The following LRRIQ3 variants were observed in gnomAD, a reference collection of about 807,000 sequenced individuals.
LRRIQ3 encodes the protein leucine-rich repeat and IQ domain-containing protein 3.
Under a neutral mutation model 59.3 loss-of-function variants are expected in LRRIQ3, and 75 were observed. That is an observed-to-expected ratio of 1.26 (90% confidence interval 1.05 to 1.53). LRRIQ3 has a LOEUF of 1.53. Ranked by LOEUF, LRRIQ3 falls within the 40% of genes most tolerant of loss-of-function variation. LRRIQ3 has a pLI of 0.00. For missense variants in LRRIQ3, 831 were observed against 710.0 expected, an observed-to-expected ratio of 1.17 and a Z score of -1.94; for synonymous variants, 250 against 231.3, an observed-to-expected ratio of 1.08 and a Z score of -0.73.
intron 4 of LRRIQ3, among the ~76,000 whole-genome samples, chr1:74,137,607 G>T (rs958435734): frequency 6.6e-6 from 1 of 152,010 alleles, no homozygotes. Context: ...AAACCCAAAG[G>T]ATTAGAAATC....
At chr1:74,118,374 T>C (rs1646805926) in intron 4 of LRRIQ3, among the ~76,000 whole-genome samples, 1 of 152,208 alleles carries the variant, frequency 6.6e-6, no homozygotes, top group Admixed American at 6.6e-5. Context: ...AATACATTTC[T>C]GAAATCACTC....
intron 3 of LRRIQ3, among the ~76,000 whole-genome samples, chr1:74,160,766 C>T (rs111300312): frequency 3.3e-5 from 5 of 151,966 alleles, no homozygotes; most frequent in Non-Finnish European, 5.9e-5. Context: ...CTATCATATA[C>T]CATTTGATAT....
intron 1 of LRRIQ3, among the ~76,000 whole-genome samples, chr1:74,194,384 C>T (rs2100748492): frequency 1.3e-5 from 2 of 152,134 alleles, no homozygotes; most frequent in East Asian, 1.9e-4. Context: ...TATAAATAAC[C>T]TTGGTAGCAC....
At chr1:74,166,681 T>C (rs751942565) in intron 3 of LRRIQ3, among the ~76,000 whole-genome samples, 17 of 151,940 alleles carry the variant, frequency 1.1e-4, no homozygotes, top group Non-Finnish European at 7.4e-5. Flanking sequence ...TAAATTTTCC[T>C]CTAAGCATTG....
At chr1:74,051,152 A>C (rs1373908559) in intron 6 of LRRIQ3, among the ~76,000 whole-genome samples, 1 of 152,140 alleles carries the variant, frequency 6.6e-6, no homozygotes, top group African/African-American at 2.4e-5. Flanking sequence ...GCTGGAGCCT[A>C]TTTCTTTATA....
At chr1:74,195,718 G>A (rs949647582) in intron 1 of LRRIQ3, among the ~76,000 whole-genome samples, 1 of 152,138 alleles carries the variant, frequency 6.6e-6, no homozygotes, top group African/African-American at 2.4e-5. Context: ...AAACTAAACA[G>A]ATTATTTCCT....
intron 3 of LRRIQ3, among the ~76,000 whole-genome samples, chr1:74,176,320 A>C (rs2100710731): frequency 6.6e-6 from 1 of 152,172 alleles, no homozygotes; most frequent in African/African-American, 2.4e-5. Flanking sequence ...TTTTGGTGCA[A>C]AATTTTGTCA....
chr1:74,115,592 C>T (rs909888696), intron 4 of LRRIQ3, among the ~76,000 whole-genome samples: 5 of 152,050 alleles, frequency 3.3e-5, no homozygotes, highest in Non-Finnish European at 5.9e-5. Flanking sequence ...CTTCATTAAT[C>T]CATTAAGATC....
At chr1:74,112,183 T>C (rs1036181827) in intron 4 of LRRIQ3, among the ~76,000 whole-genome samples, 1 of 152,170 alleles carries the variant, frequency 6.6e-6, no homozygotes, top group Non-Finnish European at 1.5e-5. Flanking sequence ...CTCCTTCTGA[T>C]CTAGGACAGT....
chr1:74,152,356 G>T (rs1648048240), intron 4 of LRRIQ3, among the ~76,000 whole-genome samples: 1 of 151,902 alleles, frequency 6.6e-6, no homozygotes, highest in African/African-American at 2.4e-5. Context: ...TATGATAAAT[G>T]AATATGAGTA....
chr1:74,132,935 G>T (rs1205306855), intron 4 of LRRIQ3, among the ~76,000 whole-genome samples: 1 of 152,066 alleles, frequency 6.6e-6, no homozygotes, highest in Non-Finnish European at 1.5e-5. Context: ...GCAACCTACA[G>T]AATGGGAGAA....
chr1:74,185,573 T>A (rs1650310020), intron 1 of LRRIQ3, among the ~76,000 whole-genome samples: 1 of 150,566 alleles, frequency 6.6e-6, no homozygotes, highest in Non-Finnish European at 1.5e-5. Flanking sequence ...TTTTCCAAAG[T>A]TTTTTTTTCC....
At chr1:74,156,243 A>G (rs948497434) in intron 3 of LRRIQ3, among the ~76,000 whole-genome samples, 4 of 151,984 alleles carry the variant, frequency 2.6e-5, no homozygotes, top group Non-Finnish European at 5.9e-5. Context: ...CCTGCCTCCC[A>G]TTCACCTTCC....
At chr1:74,075,411 A>T (rs1422206453) in intron 5 of LRRIQ3, among the ~76,000 whole-genome samples, 1 of 152,004 alleles carries the variant, frequency 6.6e-6, no homozygotes, top group Non-Finnish European at 1.5e-5. Context: ...TACTAAAAAT[A>T]CGAAAATTAG....
At chr1:74,060,385 T>A (rs975367932) in intron 6 of LRRIQ3, among the ~76,000 whole-genome samples, 3 of 151,442 alleles carry the variant, frequency 2.0e-5, no homozygotes, top group African/African-American at 4.9e-5. Context: ...CTCTTCCTCC[T>A]CCTCATCTTC....
At chr1:74,142,126 A>T (rs891971417) in intron 4 of LRRIQ3, among the ~76,000 whole-genome samples, 2 of 151,872 alleles carry the variant, frequency 1.3e-5, no homozygotes, top group African/African-American at 4.8e-5. Flanking sequence ...AGGTATCTTT[A>T]CAAGTTGGTG....
At chr1:74,072,894 T>C (rs1220560640) in intron 6 of LRRIQ3, among the ~76,000 whole-genome samples, 1 of 152,182 alleles carries the variant, frequency 6.6e-6, no homozygotes, top group East Asian at 1.9e-4. Flanking sequence ...AATTCATACA[T>C]ATATATTAAA....
chr1:74,109,165 A>G (rs1646653960), intron 5 of LRRIQ3: 2 of 296,540 alleles, frequency 6.7e-6, no homozygotes, highest in East Asian at 7.5e-5. Context: ...ATATATATAA[A>G]GCATAAATTA....
At chr1:74,189,468 GATA>G (rs903415477) in intron 1 of LRRIQ3, among the ~76,000 whole-genome samples, 20 of 152,090 alleles carry the variant, frequency 1.3e-4, no homozygotes, top group African/African-American at 4.6e-4. Context: ...GTAAAAAGAA[GATA>G]ATAATAACAG....
Sources: allele counts gnomAD v4.1 joint callset (sites outside exome capture counted in the v4.1 genomes callset), GRCh38; gene constraint gnomAD v4.1.1; transcripts MANE v1.5; gene names NCBI Gene and HGNC (gene_info 2026-07-23, HGNC 2026-07-21).